Variants in PTBP3 observed in about 807,000 individuals in gnomAD.
PTBP3 encodes polypyrimidine tract-binding protein 3.
PTBP3 carries 20 observed loss-of-function variants against 58.7 expected under a neutral mutation model. The ratio of observed to expected loss-of-function variants is 0.34; its 90% CI spans 0.24 to 0.50. PTBP3 has a LOEUF of 0.50. PTBP3 is among the 20% of genes least tolerant of loss of function. The pLI is 0.98. For synonymous variants in PTBP3, 185 were observed against 219.8 expected (o/e 0.84, Z 1.40); for missense variants, 509 against 637.2 (o/e 0.80, Z 2.17).
At chr9:112,301,148 C>T (rs946360663) in intron 1 of PTBP3, among the ~76,000 whole-genome samples, 1 of 151,948 alleles carries the variant, frequency 6.6e-6, no homozygotes, top group Non-Finnish European at 1.5e-5. Context: ...CACCTAAGAA[C>T]CCTTAAGATC....
At chr9:112,357,515 A>C in the PTBP3 span, among the ~76,000 whole-genome samples, 1 of 151,716 alleles carries the variant, frequency 6.6e-6, no homozygotes, top group African/African-American at 2.4e-5. Context: ...ATGCTTACTA[A>C]TTTTTGTATT....
chr9:112,330,036 G>A (rs747895283), intron 1 of PTBP3, among the ~76,000 whole-genome samples: 2 of 151,918 alleles, frequency 1.3e-5, no homozygotes, highest in Non-Finnish European at 2.9e-5. Flanking sequence ...ATTTTTAATA[G>A]AGATAGGGTT....
chr9:112,344,939 C>T, the PTBP3 span, among the ~76,000 whole-genome samples: 9 of 152,088 alleles, frequency 5.9e-5, no homozygotes, highest in African/African-American at 1.2e-4. Flanking sequence ...TCGAGACCAG[C>T]ATGACCAACA....
chr9:112,282,131 C>T (rs1027907179), intron 2 of PTBP3, among the ~76,000 whole-genome samples: 1 of 152,156 alleles, frequency 6.6e-6, no homozygotes, highest in African/African-American at 2.4e-5. Flanking sequence ...TCCCAAAGGT[C>T]CCAGCTCTAA....
In PTBP3 at chr9:112,332,670, G is replaced by A. The variant is rs975150060; in HGVS notation, c.-52+800C>T. 9.4e-6 allele frequency: 12 copies of A among 1,274,892 alleles called. No homozygotes were observed. In the Admixed American group the frequency reaches 1.0e-4, roughly 11 times the overall value. 79.0% of individuals were successfully genotyped at this position (1,274,892 alleles called of 1,614,324 possible). ...CACCCCATATCCCTGAGTCCCCAGA[G>A]AACAGTTTATATACATAGACTCTAA... On this transcript the variant is annotated intron_variant, in intron 1 of 13. Transcript: ENST00000374257.
chr9:112,373,694 A>C, the PTBP3 span, among the ~76,000 whole-genome samples: 41 of 152,322 alleles, frequency 2.7e-4, no homozygotes, highest in South Asian at 4.3e-3. Context: ...ATCCTTCCCC[A>C]ATCCAAATGC....
chr9:112,274,991 A>G (rs537652016), intron 3 of PTBP3, among the ~76,000 whole-genome samples: 1 of 152,218 alleles, frequency 6.6e-6, no homozygotes, highest in Non-Finnish European at 1.5e-5. Flanking sequence ...CCCACCTTAT[A>G]AAAACCAACT....
At chr9:112,372,846 T>C in the PTBP3 span, among the ~76,000 whole-genome samples, 2 of 152,336 alleles carry the variant, frequency 1.3e-5, no homozygotes, top group East Asian at 1.9e-4. Flanking sequence ...TTTTGGCTAT[T>C]ATGAATAATG....
the PTBP3 span, among the ~76,000 whole-genome samples, chr9:112,363,554 A>ACACG: frequency 8.3e-6 from 1 of 120,840 alleles, no homozygotes; most frequent in African/African-American, 3.4e-5. Flanking sequence ...ACACACACAC[A>ACACG]CACACAAAGG....
chr9:112,243,359 G>A (rs538532198), intron 7 of PTBP3, among the ~76,000 whole-genome samples: 26 of 152,134 alleles, frequency 1.7e-4, no homozygotes, highest in Non-Finnish European at 3.5e-4. Flanking sequence ...TGGCCAACAC[G>A]GTGAAACCCC....
chr9:112,356,982 C>T, the PTBP3 span, among the ~76,000 whole-genome samples: 9 of 142,324 alleles, frequency 6.3e-5, no homozygotes, highest in African/African-American at 2.3e-4. Context: ...CAGGTTCAAG[C>T]GATTCTCCTG....
At chr9:112,327,429 C>T (rs1830203411) in intron 1 of PTBP3, among the ~76,000 whole-genome samples, 1 of 150,976 alleles carries the variant, frequency 6.6e-6, no homozygotes. Flanking sequence ...AGCATGGTGG[C>T]GTGTGCCTGT....
intron 1 of PTBP3, among the ~76,000 whole-genome samples, chr9:112,324,364 T>C (rs1261199833): frequency 6.6e-6 from 1 of 152,150 alleles, no homozygotes; most frequent in Admixed American, 6.5e-5. Flanking sequence ...TTAATATGTA[T>C]GTTGAGGGCC....
intron 2 of PTBP3, among the ~76,000 whole-genome samples, chr9:112,293,433 G>T (rs1026925064): frequency 6.6e-6 from 1 of 152,120 alleles, no homozygotes; most frequent in African/African-American, 2.4e-5. Context: ...ACAAAATACA[G>T]TACATATGTG....
intron 12 of PTBP3, among the ~76,000 whole-genome samples, chr9:112,225,834 C>G (rs946654147): frequency 1.3e-5 from 2 of 152,072 alleles, no homozygotes; most frequent in African/African-American, 2.4e-5. Flanking sequence ...ATTGCTTGAG[C>G]TCAGAAGTTA....
chr9:112,277,987 T>A (rs568599273), intron 2 of PTBP3, among the ~76,000 whole-genome samples: 6 of 150,190 alleles, frequency 4.0e-5, no homozygotes, highest in South Asian at 4.2e-4. Flanking sequence ...ATAATGTATA[T>A]CATGTCATTA....
intron 1 of PTBP3, among the ~76,000 whole-genome samples, chr9:112,316,864 T>C (rs10817317): frequency 0.85 from 129,009 of 151,940 alleles, 55,186 homozygotes; most frequent in African/African-American, 0.95. Flanking sequence ...CCCAGCTACT[T>C]GAGAGGCTGA....
At chr9:112,309,777 G>A (rs1164516833) in intron 1 of PTBP3, among the ~76,000 whole-genome samples, 1 of 148,556 alleles carries the variant, frequency 6.7e-6, no homozygotes, top group Non-Finnish European at 1.5e-5. Context: ...GACAGAGAGA[G>A]ACTCCGTCTC....
At chr9:112,318,382 A>G (rs1829790917) in intron 1 of PTBP3, among the ~76,000 whole-genome samples, 2 of 152,380 alleles carry the variant, frequency 1.3e-5, no homozygotes, top group South Asian at 4.1e-4. Flanking sequence ...CACCATTTAC[A>G]TTAGCAAGAA....
Sources: allele counts gnomAD v4.1 joint callset (sites outside exome capture counted in the v4.1 genomes callset), GRCh38; gene constraint gnomAD v4.1.1; transcripts MANE v1.5; gene names NCBI Gene and HGNC (gene_info 2026-07-23, HGNC 2026-07-21).